FRMD6: variants seen among roughly 807,000 people sequenced by gnomAD.
FRMD6 encodes FERM domain-containing protein 6.
Under a neutral mutation model 73.2 loss-of-function variants are expected in FRMD6, and 37 were observed. The observed-to-expected ratio is 0.51, with a 90% CI of 0.39 to 0.66. FRMD6 has a LOEUF of 0.66. Ranked by LOEUF, FRMD6 falls within the 30% of genes least tolerant of loss-of-function variation. The pLI is 0.00. For missense variants in FRMD6, 714 were observed against 780.5 expected, an observed-to-expected ratio of 0.91 and a Z score of 1.02; for synonymous variants, 273 against 282.2, an observed-to-expected ratio of 0.97 and a Z score of 0.33.
the FRMD6 span, among the ~76,000 whole-genome samples, chr14:51,459,826 C>CAAAAA: frequency 1.7e-5 from 1 of 58,278 alleles, no homozygotes. Flanking sequence ...GACTCCATTT[C>CAAAAA]AAAAAAAAAA....
intron 1 of FRMD6, among the ~76,000 whole-genome samples, chr14:51,569,593 T>C (rs1887993838): frequency 6.9e-6 from 1 of 144,404 alleles, no homozygotes; most frequent in Non-Finnish European, 1.5e-5. Context: ...AGACTTGACC[T>C]CCCGAGCTCA....
Position 51,725,839 on chromosome 14 carries a change from T to G in FRMD6, c.1553T>G (p.Leu518Arg). The change falls in exon 13 of 14, where the codon CTT (leucine) becomes CGT (arginine). Residue 518 changes from leucine (L) to arginine (R), a missense_variant. Coordinates refer to ENST00000344768, the MANE Select transcript of FRMD6 (RefSeq NM_001267046.2). Reference protein sequence around the residue: ...TSSSSETVVKLRGQSTDSLPQ... With the variant: ...TSSSSETVVKRRGQSTDSLPQ... ...AGCTCTTCAGAAACAGTTGTTAAGCTTCGTGGCCAGAGTACTGATTCTCTT... is the reference window on the plus strand; with the variant it reads ...AGCTCTTCAGAAACAGTTGTTAAGCGTCGTGGCCAGAGTACTGATTCTCTT... 1 of 1,613,792 alleles carries G rather than the reference T, an allele frequency of 6.2e-7. No individual in the cohort carries two copies. The highest frequency in any genetic ancestry group is 1.7e-5 in the Admixed American group (1 of 60,018).
chr14:51,526,684 C>T (rs558771035), intron 1 of FRMD6, among the ~76,000 whole-genome samples: 1 of 152,308 alleles, frequency 6.6e-6, no homozygotes, highest in East Asian at 1.9e-4. Flanking sequence ...ACACAACAAC[C>T]ACTTTTTATA....
the FRMD6 span, among the ~76,000 whole-genome samples, chr14:51,482,694 A>G: frequency 9.5e-5 from 3 of 31,442 alleles, no homozygotes; most frequent in African/African-American, 4.6e-4. Flanking sequence ...GTGTGTGTGT[A>G]TTTGGTTTTT....
At chr14:51,539,845 G>A (rs1014378302) in intron 1 of FRMD6, among the ~76,000 whole-genome samples, 3 of 152,146 alleles carry the variant, frequency 2.0e-5, no homozygotes, top group Non-Finnish European at 2.9e-5. Flanking sequence ...AGGGTGGGGG[G>A]AGTAGAGGAA....
At chr14:51,662,437 G>A (rs1382105886) in intron 1 of FRMD6, among the ~76,000 whole-genome samples, 1 of 152,112 alleles carries the variant, frequency 6.6e-6, no homozygotes, top group Admixed American at 6.5e-5. Flanking sequence ...CATGATACTG[G>A]TACAAAAACA....
intron 13 of FRMD6, among the ~76,000 whole-genome samples, chr14:51,727,385 G>C (rs1898031038): frequency 6.6e-6 from 1 of 152,038 alleles, no homozygotes; most frequent in Non-Finnish European, 1.5e-5. Flanking sequence ...GAAATGCTAG[G>C]GATAGTTGGA....
chr14:51,567,566 C>A (rs1887843509), intron 1 of FRMD6, among the ~76,000 whole-genome samples: 2 of 152,214 alleles, frequency 1.3e-5, no homozygotes, highest in Admixed American at 1.3e-4. Context: ...TCTCAAACTC[C>A]AGGCCTCAAG....
chr14:51,685,363 A>C (rs984998870), intron 1 of FRMD6, among the ~76,000 whole-genome samples: 1 of 152,188 alleles, frequency 6.6e-6, no homozygotes, highest in Non-Finnish European at 1.5e-5. Flanking sequence ...CATCAACTCT[A>C]TCAAGTACTC....
the FRMD6 span, among the ~76,000 whole-genome samples, chr14:51,421,693 C>T: frequency 2.6e-5 from 4 of 152,244 alleles, no homozygotes; most frequent in African/African-American, 9.6e-5. Flanking sequence ...ATAGAGCAAG[C>T]TGGGCAGAAT....
chr14:51,666,733 A>G lies in FRMD6; in HGVS notation c.-147+14737A>G, dbSNP rs537094299. Among the ~76,000 whole-genome samples, 6 of 152,362 alleles carry G rather than the reference A, an allele frequency of 3.9e-5. No homozygotes were observed. In the East Asian group the frequency reaches 9.6e-4, roughly 24 times the overall value. On this transcript the variant is annotated intron_variant, in intron 1 of 13. Transcript: ENST00000344768. ...TTAACTTGGCTGTTGTCATTGCGTT[A>G]GTGATAAACAAAATTATGATTTATA...
At chr14:51,451,951 A>G in the FRMD6 span, among the ~76,000 whole-genome samples, 1 of 152,324 alleles carries the variant, frequency 6.6e-6, no homozygotes, top group East Asian at 1.9e-4. Flanking sequence ...CCCGTGGAGG[A>G]CTTTGACATA....
chr14:51,426,677 TG>T, the FRMD6 span, among the ~76,000 whole-genome samples: 6 of 152,118 alleles, frequency 3.9e-5, no homozygotes, highest in African/African-American at 1.4e-4. Context: ...TACCGTGAGA[TG>T]GGGGGAGTGG....
intron 1 of FRMD6, among the ~76,000 whole-genome samples, chr14:51,512,993 G>C (rs1226035599): frequency 6.6e-6 from 1 of 152,162 alleles, no homozygotes; most frequent in Non-Finnish European, 1.5e-5. Flanking sequence ...GGCAAAAGTA[G>C]CCTTTCAGAG....
chr14:51,512,015 T>C (rs1012958112), intron 1 of FRMD6, among the ~76,000 whole-genome samples: 1 of 152,222 alleles, frequency 6.6e-6, no homozygotes, highest in Non-Finnish European at 1.5e-5. Flanking sequence ...CTTCATGATG[T>C]ATGTATGCAT....
chr14:51,445,544 T>C, the FRMD6 span, among the ~76,000 whole-genome samples: 1 of 151,946 alleles, frequency 6.6e-6, no homozygotes, highest in Admixed American at 6.6e-5. Flanking sequence ...GATGATCAAG[T>C]AGCCAAACCG....
chr14:51,716,498 T>C (rs1356023759), intron 10 of FRMD6, among the ~76,000 whole-genome samples: 1 of 152,212 alleles, frequency 6.6e-6, no homozygotes, highest in Non-Finnish European at 1.5e-5. Context: ...GACCTCATCT[T>C]TCCTTTAGAA....
intron 1 of FRMD6, among the ~76,000 whole-genome samples, chr14:51,559,217 A>T (rs1887335194): frequency 6.6e-6 from 1 of 152,242 alleles, no homozygotes; most frequent in African/African-American, 2.4e-5. Flanking sequence ...TCACTCAGAA[A>T]AGAAATAAGA....
At chr14:51,629,467 T>C (rs2139971126) in intron 2 of FRMD6, among the ~76,000 whole-genome samples, 1 of 152,358 alleles carries the variant, frequency 6.6e-6, no homozygotes, top group African/African-American at 2.4e-5. Flanking sequence ...AAATATATTT[T>C]ACATTCCTAC....
Sources: allele counts gnomAD v4.1 joint callset (sites outside exome capture counted in the v4.1 genomes callset), GRCh38; gene constraint gnomAD v4.1.1; transcripts MANE v1.5; gene names NCBI Gene and HGNC (gene_info 2026-07-23, HGNC 2026-07-21).